Variants in PDE10A observed in about 807,000 individuals in gnomAD.
PDE10A encodes cAMP and cAMP-inhibited cGMP 3',5'-cyclic phosphodiesterase 10A.
A neutral mutation model predicts 97.7 loss-of-function variants in PDE10A; 39 were observed. The observed-to-expected ratio is 0.40, with a 90% CI of 0.31 to 0.52. The LOEUF (loss-of-function observed/expected upper bound fraction) is 0.52, where lower values mean the gene tolerates loss of function less well. Ranked by LOEUF, PDE10A falls within the 20% of genes least tolerant of loss-of-function variation. The pLI is 0.56. For synonymous variants in PDE10A, 371 were observed against 376.8 expected (o/e 0.98, Z 0.18); for missense variants, 731 against 1,047.8 (o/e 0.70, Z 4.17).
intron 1 of PDE10A, among the ~76,000 whole-genome samples, chr6:165,911,565 C>T (rs897673724): frequency 3.9e-5 from 6 of 152,150 alleles, no homozygotes; most frequent in South Asian, 2.1e-4. Context: ...GTCTCTGGGG[C>T]GGCCACTAAA....
At chr6:165,561,611 T>C (rs565191761) in intron 1 of PDE10A, among the ~76,000 whole-genome samples, 2 of 152,200 alleles carry the variant, frequency 1.3e-5, no homozygotes, top group African/African-American at 4.8e-5. Context: ...TTAATGTGTT[T>C]TGAGTGTTTT....
At chr6:165,747,414 C>T (rs1485701778) in intron 1 of PDE10A, among the ~76,000 whole-genome samples, 1 of 152,152 alleles carries the variant, frequency 6.6e-6, no homozygotes, top group Admixed American at 6.5e-5. Flanking sequence ...ATGCCTTGCT[C>T]ACATTGACTC....
chr6:165,727,261 C>T (rs1011506295), intron 1 of PDE10A, among the ~76,000 whole-genome samples: 2 of 152,224 alleles, frequency 1.3e-5, no homozygotes, highest in Non-Finnish European at 1.5e-5. Flanking sequence ...TAGAATCACG[C>T]GTATAAAGAC....
At chr6:165,618,896 C>T (rs903652151) in intron 1 of PDE10A, among the ~76,000 whole-genome samples, 2 of 152,116 alleles carry the variant, frequency 1.3e-5, no homozygotes, top group East Asian at 1.9e-4. Flanking sequence ...GGGCTGGCTG[C>T]GGGCTAGTCT....
chr6:165,550,126 A>G (rs965150055), intron 1 of PDE10A, among the ~76,000 whole-genome samples: 35 of 152,134 alleles, frequency 2.3e-4, no homozygotes, highest in African/African-American at 8.0e-4. Context: ...ACATGCCCTA[A>G]AACACGTCTT....
intron 1 of PDE10A, among the ~76,000 whole-genome samples, chr6:165,631,428 T>C (rs1386911156): frequency 1.3e-5 from 2 of 152,254 alleles, no homozygotes; most frequent in African/African-American, 2.4e-5. Context: ...CCTCAGCATC[T>C]ATCCTGAGAG....
At chr6:165,837,149 T>A (rs1388862504) in intron 1 of PDE10A, among the ~76,000 whole-genome samples, 2 of 151,504 alleles carry the variant, frequency 1.3e-5, no homozygotes, top group Non-Finnish European at 1.5e-5. Context: ...TGTATACATA[T>A]GTAACTAACC....
chr6:165,801,560 T>C (rs1778988158), intron 1 of PDE10A, among the ~76,000 whole-genome samples: 1 of 152,242 alleles, frequency 6.6e-6, no homozygotes, highest in Non-Finnish European at 1.5e-5. Flanking sequence ...AAAAAAATTA[T>C]CCACAGATCA....
rs543955317 is a variant in PDE10A at position 165,586,349 on chromosome 6, T to C, written c.866-42781A>G. On this transcript the variant is annotated intron_variant, in intron 1 of 21. Transcript: ENST00000539869. ...TGTTTCCATTAAGTTACTGCACAAG[T>C]AAAACTAGTTTTTAAAATTGAATTC... Among the ~76,000 whole-genome samples the C allele has an allele frequency of 1.1e-3, 166 of 152,342 alleles. 1 individual carries two copies. The highest frequency in any genetic ancestry group is 3.6e-3 in the African/African-American group (151 of 41,578).
intron 16 of PDE10A, among the ~76,000 whole-genome samples, chr6:165,392,378 GC>G (rs1463014364): frequency 2.0e-5 from 3 of 152,086 alleles, no homozygotes; most frequent in Non-Finnish European, 4.4e-5. Context: ...GAACATTTAA[GC>G]TTTAACAGGT....
In PDE10A at chr6:165,379,433, G is replaced by A. The variant is rs1396378831; in HGVS notation, c.2611-67C>T. On this transcript the variant is annotated intron_variant, in intron 17 of 21. Transcript: ENST00000539869. ...AAGCTCTAATCTTATGACATTTTTA[G>A]TTATTTGAAACTATATAGTCAGTCA... The A allele has an allele frequency of 2.2e-5, 28 of 1,291,866 alleles. No homozygotes were observed. The Admixed American group carries it at 6.0e-4, about 28-fold the overall frequency. The allele number at this position is 1,291,866 out of a possible 1,614,324, so 80.0% of individuals were successfully genotyped here.
At chr6:165,529,072 T>C (rs1462427834) in intron 2 of PDE10A, among the ~76,000 whole-genome samples, 3 of 152,120 alleles carry the variant, frequency 2.0e-5, no homozygotes, top group Non-Finnish European at 2.9e-5. Context: ...AGAGGTCTTA[T>C]TTCCAGAGGA....
At position 165,388,505 on chromosome 6, in the gene PDE10A, A is replaced by C; in HGVS notation, c.2455-52T>G. ...TGCTCAAAACACAGAAACACACATG[A>C]GCAGACTTACCGCTTACATTCATGT... On this transcript the variant is annotated intron_variant, in intron 16 of 21. Coordinates refer to ENST00000539869, the MANE Select transcript of PDE10A (RefSeq NM_001385079.1). This position sits in a 1 kb window ranked among gnomAD's most constrained non-coding sequence, Gnocchi z 4.0. The C allele has an allele frequency of 1.3e-6, 2 of 1,536,228 alleles. No individual in the cohort carries two copies. The highest frequency in any genetic ancestry group is 1.8e-6 in the Non-Finnish European group (2 of 1,112,540).
intron 1 of PDE10A, among the ~76,000 whole-genome samples, chr6:165,718,654 C>A (rs1012308644): frequency 6.6e-6 from 1 of 152,046 alleles, no homozygotes; most frequent in African/African-American, 2.4e-5. Flanking sequence ...CTTTTCCCCC[C>A]GGACGAGACA....
intron 5 of PDE10A, among the ~76,000 whole-genome samples, chr6:165,439,557 T>C (rs1400624415): frequency 2.0e-5 from 3 of 152,280 alleles, no homozygotes; most frequent in African/African-American, 4.8e-5. Context: ...ATCGATGAGA[T>C]TGCCCAAAGA....
intron 2 of PDE10A, among the ~76,000 whole-genome samples, chr6:165,540,424 T>C (rs1783362164): frequency 6.6e-6 from 1 of 152,184 alleles, no homozygotes; most frequent in South Asian, 2.1e-4. Context: ...TTTTCTTTTT[T>C]CTAAATGACA....
chr6:165,343,493 T>G lies in PDE10A; in HGVS notation c.2793A>C (p.Val931=). 6.2e-7 allele frequency: 1 copy of G among 1,611,946 alleles called. No individual in the cohort carries two copies. Among genetic ancestry groups the G allele is most frequent in the Non-Finnish European group, 8.5e-7 (1 of 1,178,056 alleles). The part of the protein sequence containing the change: ...NLNNQSHRDR[V]IGLMMTACDL... ...CACAGGCAGTCATCATCAAACCAATTACACGGTCTCTAGAACACAACAATA... is the reference window on the plus strand; with the variant it reads ...CACAGGCAGTCATCATCAAACCAATGACACGGTCTCTAGAACACAACAATA... The change falls in exon 19 of 22, where the codon GTA becomes GTC. Residue 931 remains valine, a synonymous_variant. Transcript: ENST00000539869.
chr6:165,650,454 T>C (rs1789623590), intron 1 of PDE10A, among the ~76,000 whole-genome samples: 1 of 151,644 alleles, frequency 6.6e-6, no homozygotes, highest in African/African-American at 2.4e-5. Context: ...CAATCACAAA[T>C]ACAAGTATAT....
intron 1 of PDE10A, among the ~76,000 whole-genome samples, chr6:165,794,530 TCA>T (rs749045431): frequency 1.3e-4 from 19 of 151,434 alleles, no homozygotes; most frequent in East Asian, 9.7e-4. Context: ...TCGCACACCC[TCA>T]CACACACTCA....
Sources: gnomAD v4.1 joint callset for allele counts (sites outside exome capture counted in the v4.1 genomes callset) on GRCh38, gnomAD v4.1.1 for gene constraint, Gnocchi (gnomAD v3.1) non-coding constraint, MANE v1.5 for transcripts, NCBI Gene and HGNC (gene_info 2026-07-23, HGNC 2026-07-21) for gene names.